Variants in NOX4 observed in about 807,000 individuals in gnomAD.
The protein encoded by NOX4 is NADPH oxidase 4.
Under a neutral mutation model 87.6 loss-of-function variants are expected in NOX4, and 69 were observed. That is an observed-to-expected ratio of 0.79 (90% confidence interval 0.65 to 0.96). NOX4 has a LOEUF of 0.96. NOX4 is among the 40% of genes least tolerant of loss of function. The pLI, the probability that NOX4 is intolerant of heterozygous loss-of-function variation, is 0.00. For synonymous variants in NOX4, 275 were observed against 238.2 expected (o/e 1.15, Z -1.42); for missense variants, 680 against 681.5 (o/e 1.00, Z 0.02).
At chr11:89,444,342 T>C (rs558434485) in intron 4 of NOX4, 110 bp from the exon 5 acceptor site, 1 of 789,946 alleles carries the variant, frequency 1.3e-6, no homozygotes, top group South Asian at 1.7e-5. Context: ...TTGACAGCTA[T>C]GTGGACAATG....
At chr11:89,571,926 C>A in the NOX4 span, among the ~76,000 whole-genome samples, 1 of 152,160 alleles carries the variant, frequency 6.6e-6, no homozygotes, top group East Asian at 1.9e-4. Context: ...ATTGCTTTCT[C>A]CACTGCATTG....
At chr11:89,427,385 C>T (rs1010648000) in intron 7 of NOX4, among the ~76,000 whole-genome samples, 10 of 152,044 alleles carry the variant, frequency 6.6e-5, no homozygotes, top group Non-Finnish European at 1.2e-4. Flanking sequence ...ATGATTTTGA[C>T]GAGTTGAGAG....
At chr11:89,506,446 A>G in the NOX4 span, among the ~76,000 whole-genome samples, 1 of 151,804 alleles carries the variant, frequency 6.6e-6, no homozygotes, top group African/African-American at 2.4e-5. Context: ...AAAATGGATC[A>G]TAGACCTAAA....
At chr11:89,377,796 C>T (rs1482897384) in intron 11 of NOX4, among the ~76,000 whole-genome samples, 1 of 152,186 alleles carries the variant, frequency 6.6e-6, no homozygotes, top group South Asian at 2.1e-4. Flanking sequence ...ATATGATGTT[C>T]TTTAATCATT....
chr11:89,459,216 G>A (rs1945342175), intron 2 of NOX4, among the ~76,000 whole-genome samples: 2 of 152,030 alleles, frequency 1.3e-5, no homozygotes, highest in Admixed American at 6.6e-5. Context: ...CCGAGAACAT[G>A]TTCTCACTTA....
At chr11:89,373,358 T>A (rs540131519) in intron 12 of NOX4, 74 bp downstream of exon 12, 6 of 871,526 alleles carry the variant, frequency 6.9e-6, no homozygotes, top group Non-Finnish European at 1.1e-5. Context: ...CTGGTAGTTA[T>A]ATTAAAACAC....
upstream of NOX4, among the ~76,000 whole-genome samples, chr11:89,501,333 CATG>C (rs1222259878): frequency 3.3e-5 from 5 of 151,964 alleles, no homozygotes; most frequent in East Asian, 3.9e-4. Flanking sequence ...CATGAACGAG[CATG>C]ATATTAGATT....
the NOX4 span, among the ~76,000 whole-genome samples, chr11:89,528,183 TC>T: frequency 6.6e-6 from 1 of 152,192 alleles, no homozygotes; most frequent in Non-Finnish European, 1.5e-5. Flanking sequence ...GCCAATTTCT[TC>T]CATTTGGAAC....
upstream of NOX4, chr11:89,491,612 G>A (rs1946860124): frequency 3.8e-6 from 1 of 266,254 alleles, no homozygotes; most frequent in African/African-American, 2.2e-5. Flanking sequence ...GTCCCGGGTG[G>A]GAACTTGGAG....
At chr11:89,518,549 G>C in the NOX4 span, among the ~76,000 whole-genome samples, 2 of 152,012 alleles carry the variant, frequency 1.3e-5, no homozygotes, top group African/African-American at 4.8e-5. Context: ...CTTTGCAAGA[G>C]CATGTCAGGA....
chr11:89,500,580 T>A (rs1210728502), upstream of NOX4, among the ~76,000 whole-genome samples: 2 of 152,084 alleles, frequency 1.3e-5, no homozygotes, highest in Non-Finnish European at 2.9e-5. Context: ...TTTCTACAAA[T>A]GAGATGTGAG....
At chr11:89,579,757 C>T in the NOX4 span, among the ~76,000 whole-genome samples, 1 of 152,050 alleles carries the variant, frequency 6.6e-6, no homozygotes, top group African/African-American at 2.4e-5. Context: ...GAACTTTGTA[C>T]TTCCTACTCG....
At chr11:89,570,084 C>G in the NOX4 span, among the ~76,000 whole-genome samples, 2 of 151,812 alleles carry the variant, frequency 1.3e-5, no homozygotes, top group Non-Finnish European at 2.9e-5. Flanking sequence ...AGCACAATAG[C>G]AAAGATGTGG....
chr11:89,570,900 T>A, the NOX4 span, among the ~76,000 whole-genome samples: 1 of 152,220 alleles, frequency 6.6e-6, no homozygotes, highest in Non-Finnish European at 1.5e-5. Flanking sequence ...CCACACCCTA[T>A]GGGAAGGAGA....
intron 6 of NOX4, among the ~76,000 whole-genome samples, chr11:89,436,211 A>T (rs1944074738): frequency 6.6e-6 from 1 of 152,220 alleles, no homozygotes; most frequent in South Asian, 2.1e-4. Context: ...CAAGTTAAGC[A>T]GGAAATTGCA....
At chr11:89,373,849 G>T (rs1248071462) in intron 11 of NOX4, among the ~76,000 whole-genome samples, 1 of 151,928 alleles carries the variant, frequency 6.6e-6, no homozygotes, top group Non-Finnish European at 1.5e-5. Flanking sequence ...AAAAACTAAT[G>T]CTTTTTTGTG....
intron 13 of NOX4, among the ~76,000 whole-genome samples, chr11:89,351,139 G>T (rs1450780116): frequency 6.6e-6 from 1 of 152,160 alleles, no homozygotes; most frequent in East Asian, 1.9e-4. Flanking sequence ...AAGCAAAACA[G>T]CCTTATTGCT....
At chr11:89,487,006 C>T (rs933523411) in intron 2 of NOX4, among the ~76,000 whole-genome samples, 1 of 151,938 alleles carries the variant, frequency 6.6e-6, no homozygotes, top group Non-Finnish European at 1.5e-5. Context: ...TACTAGAAAA[C>T]TTTAAATTAT....
At chr11:89,565,716 T>TA in the NOX4 span, among the ~76,000 whole-genome samples, 2 of 151,180 alleles carry the variant, frequency 1.3e-5, no homozygotes, top group African/African-American at 2.5e-5. Flanking sequence ...CCCTAAAACT[T>TA]AAAGTATAAT....
Sources: gnomAD v4.1 joint callset for allele counts (sites outside exome capture counted in the v4.1 genomes callset) on GRCh38, gnomAD v4.1.1 for gene constraint, MANE v1.5 for transcripts, NCBI Gene and HGNC (gene_info 2026-07-23, HGNC 2026-07-21) for gene names.